The following CTNND2 variants were observed in gnomAD, a reference collection of about 807,000 sequenced individuals.
The protein encoded by CTNND2 is catenin delta-2.
Under a neutral mutation model 144.4 loss-of-function variants are expected in CTNND2, and 22 were observed. The ratio of observed to expected loss-of-function variants is 0.15; its 90% confidence interval spans 0.11 to 0.22. CTNND2 has a LOEUF of 0.22. Ranked by LOEUF, CTNND2 falls within the 10% of genes least tolerant of loss-of-function variation. The pLI, the probability that CTNND2 is intolerant of heterozygous loss-of-function variation, is 1.00. For missense variants in CTNND2, 1,353 were observed against 1,618.8 expected, an observed-to-expected ratio of 0.84 and a Z score of 2.82; for synonymous variants, 751 against 695.6, an observed-to-expected ratio of 1.08 and a Z score of -1.25.
chr5:11,440,287 T>C (rs1764150241), intron 3 of CTNND2, among the ~76,000 whole-genome samples: 1 of 152,216 alleles, frequency 6.6e-6, no homozygotes, highest in Admixed American at 6.5e-5. Context: ...GTGATCCATG[T>C]TTCACCTTAT....
chr5:11,903,241 T>A lies in CTNND2; in HGVS notation c.37+576A>T. 1.0e-6 allele frequency: 1 copy of A among 985,408 alleles called. No homozygotes were observed. The highest frequency in any genetic ancestry group is 4.7e-5 in the South Asian group (1 of 21,282). The allele number at this position is 985,408 out of a possible 1,614,324, so 61.0% of individuals were successfully genotyped here. ...AGCACGCAGAAGCCCCCGAAACCTG[T>A]GAAGCCGGCTGCAAAGGCTTGCTGG... On this transcript the variant is annotated intron_variant, in intron 1 of 21. Coordinates refer to ENST00000304623, the MANE Select transcript of CTNND2 (RefSeq NM_001332.4). This position sits in a 1 kb window ranked among gnomAD's most constrained non-coding sequence, Gnocchi z 5.4.
rs535370536 is a variant in CTNND2 at position 10,998,208 on chromosome 5, T to C, written c.3085-5531A>G. Among the ~76,000 whole-genome samples, 23 of 152,248 alleles carry C rather than the reference T, an allele frequency of 1.5e-4. No homozygotes were observed. In the South Asian group the frequency reaches 4.4e-3, roughly 29 times the overall value. On this transcript the variant is annotated intron_variant, in intron 18 of 21. Transcript: ENST00000304623. ...CTGCAGGTAACTTGTCTGTATGTGATTGGGTTAGTATACAACTGAGGGTGA... is the reference window on the plus strand; with the variant it reads ...CTGCAGGTAACTTGTCTGTATGTGACTGGGTTAGTATACAACTGAGGGTGA...
At chr5:11,636,489 G>A (rs1031446217) in intron 2 of CTNND2, among the ~76,000 whole-genome samples, 57 of 152,104 alleles carry the variant, frequency 3.7e-4, no homozygotes, top group African/African-American at 1.3e-3. Context: ...AATAAGGGTG[G>A]GGGAAGTCAT....
intron 9 of CTNND2, among the ~76,000 whole-genome samples, chr5:11,298,756 T>G (rs965068626): frequency 6.6e-6 from 1 of 152,178 alleles, no homozygotes; most frequent in Non-Finnish European, 1.5e-5. Context: ...GCACGGGCTA[T>G]AGCTACAATC....
chr5:11,123,841 T>C (rs1428235298), intron 12 of CTNND2, among the ~76,000 whole-genome samples: 2 of 152,216 alleles, frequency 1.3e-5, no homozygotes, highest in African/African-American at 4.8e-5. Context: ...TGAAGCCATG[T>C]GGCTGTCTGC....
intron 2 of CTNND2, among the ~76,000 whole-genome samples, chr5:11,703,054 T>C (rs933734726): frequency 6.6e-6 from 1 of 152,168 alleles, no homozygotes; most frequent in African/African-American, 2.4e-5. Context: ...ACAAGGCAGA[T>C]TCCTACAGGA....
At chr5:11,765,480 G>A (rs1257577186) in intron 1 of CTNND2, among the ~76,000 whole-genome samples, 1 of 152,182 alleles carries the variant, frequency 6.6e-6, no homozygotes, top group Non-Finnish European at 1.5e-5. Context: ...AGGAAAGCCA[G>A]GCCAGACAAG....
chr5:11,017,578 C>A (rs939910749), intron 18 of CTNND2, among the ~76,000 whole-genome samples: 38 of 83,026 alleles, frequency 4.6e-4, no homozygotes, highest in Non-Finnish European at 7.7e-4. Context: ...ATATATATAT[C>A]TTTCCATATA....
chr5:11,526,185 A>C (rs765331005), intron 3 of CTNND2, among the ~76,000 whole-genome samples: 23 of 152,166 alleles, frequency 1.5e-4, no homozygotes, highest in Non-Finnish European at 2.9e-4. Flanking sequence ...TACAGACATG[A>C]GCCACCATGC....
chr5:11,082,762 C>T lies in CTNND2; in HGVS notation c.2722G>A (p.Val908Met). Residue 908 changes from valine (V) to methionine (M), a missense_variant, in exon 16 of 22, where the codon GTG (valine) becomes ATG (methionine). Coordinates refer to ENST00000304623, the MANE Select transcript of CTNND2 (RefSeq NM_001332.4). The part of the protein sequence containing the change: ...VELLRIDNDR[V>M]VCAVATALRN... ...AGCGCAGTGGCCACCGCGCACACCA[C>T]ACGGTCATTGTCTATTCGGAGCAGC... 1 of 1,614,200 alleles carries T rather than the reference C, an allele frequency of 6.2e-7. No individual in the cohort carries two copies. The highest frequency in any genetic ancestry group is 1.1e-5 in the South Asian group (1 of 91,082).
chr5:11,607,535 G>A (rs1192991659), intron 2 of CTNND2, among the ~76,000 whole-genome samples: 1 of 152,140 alleles, frequency 6.6e-6, no homozygotes, highest in Non-Finnish European at 1.5e-5. Flanking sequence ...AAATTACTCA[G>A]AAGTTAGTTT....
At chr5:11,519,966 C>G (rs1312795769) in intron 3 of CTNND2, among the ~76,000 whole-genome samples, 2 of 149,606 alleles carry the variant, frequency 1.3e-5, no homozygotes, top group Non-Finnish European at 2.9e-5. Context: ...TGGTGAAACC[C>G]CATTTCTACT....
chr5:11,148,085 G>A (rs1757418341), intron 12 of CTNND2, among the ~76,000 whole-genome samples: 2 of 152,174 alleles, frequency 1.3e-5, no homozygotes, highest in Non-Finnish European at 2.9e-5. Context: ...GTCATCTATT[G>A]TAGGATCCTA....
chr5:11,901,841 T>C (rs1417398554), intron 1 of CTNND2, among the ~76,000 whole-genome samples: 1 of 152,096 alleles, frequency 6.6e-6, no homozygotes, highest in African/African-American at 2.4e-5. Flanking sequence ...CCTTTAAAAA[T>C]CATGTTTAAG....
At chr5:11,490,014 G>A (rs1769239538) in intron 3 of CTNND2, among the ~76,000 whole-genome samples, 1 of 152,150 alleles carries the variant, frequency 6.6e-6, no homozygotes, top group Admixed American at 6.5e-5. Context: ...CTGACAGAGG[G>A]TAAAATCCCT....
At chr5:11,623,908 A>G (rs1403328973) in intron 2 of CTNND2, among the ~76,000 whole-genome samples, 2 of 147,694 alleles carry the variant, frequency 1.4e-5, no homozygotes, top group Non-Finnish European at 3.0e-5. Flanking sequence ...AGGCCTACAA[A>G]GAAACTTGGA....
intron 2 of CTNND2, among the ~76,000 whole-genome samples, chr5:11,694,539 C>T (rs954274274): frequency 2.3e-4 from 35 of 152,188 alleles, no homozygotes; most frequent in South Asian, 1.7e-3. Context: ...GAAATGAGAA[C>T]GCAGAGTATT....
At chr5:11,869,700 C>T (rs559051542) in intron 1 of CTNND2, among the ~76,000 whole-genome samples, 1 of 152,188 alleles carries the variant, frequency 6.6e-6, no homozygotes, top group African/African-American at 2.4e-5. Context: ...TACTTCTATA[C>T]TTAAAAACGG....
intron 2 of CTNND2, among the ~76,000 whole-genome samples, chr5:11,727,279 G>A (rs1246345276): frequency 6.6e-6 from 1 of 151,966 alleles, no homozygotes; most frequent in East Asian, 1.9e-4. Context: ...TTACCCTCCT[G>A]GAACTCTAAA....
Sources: allele counts gnomAD v4.1 joint callset (sites outside exome capture counted in the v4.1 genomes callset), GRCh38; gene constraint gnomAD v4.1.1; non-coding constraint Gnocchi (gnomAD v3.1); transcripts MANE v1.5; gene names NCBI Gene and HGNC (gene_info 2026-07-23, HGNC 2026-07-21).